Variants in KCNK2 observed in about 807,000 individuals in gnomAD.
KCNK2 encodes potassium channel subfamily K member 2.
Under a neutral mutation model 40.5 loss-of-function variants are expected in KCNK2, and 21 were observed. The ratio of observed to expected loss-of-function variants is 0.52; its 90% CI spans 0.37 to 0.75. The LOEUF (loss-of-function observed/expected upper bound fraction) is 0.75, where lower values mean the gene tolerates loss of function less well. Ranked by LOEUF, KCNK2 falls within the 30% of genes least tolerant of loss-of-function variation. The pLI, the probability that KCNK2 is intolerant of heterozygous loss-of-function variation, is 0.00. For synonymous variants in KCNK2, 191 were observed against 202.2 expected, an observed-to-expected ratio of 0.94 and a Z score of 0.47; for missense variants, 399 against 531.6, an observed-to-expected ratio of 0.75 and a Z score of 2.45.
chr1:215,064,302 C>T (rs991855713), intron 1 of KCNK2, among the ~76,000 whole-genome samples: 5 of 151,560 alleles, frequency 3.3e-5, no homozygotes, highest in Admixed American at 6.6e-5. Flanking sequence ...TATAATGCCT[C>T]GGGGGTGTGT....
intron 5 of KCNK2, among the ~76,000 whole-genome samples, chr1:215,188,290 T>C (rs771316908): frequency 6.6e-6 from 1 of 152,158 alleles, no homozygotes; most frequent in African/African-American, 2.4e-5. Context: ...CCAGGTAAAA[T>C]TTTTCCTCTT....
At chr1:215,059,053 ATG>A (rs1349989370) in intron 1 of KCNK2, among the ~76,000 whole-genome samples, 1 of 141,080 alleles carries the variant, frequency 7.1e-6, no homozygotes, top group Non-Finnish European at 1.6e-5. Context: ...GCACATATAC[ATG>A]TGTATATATA....
chr1:215,127,534 A>T (rs1661488727), intron 3 of KCNK2, among the ~76,000 whole-genome samples: 1 of 152,130 alleles, frequency 6.6e-6, no homozygotes, highest in South Asian at 2.1e-4. Context: ...AATTATATAC[A>T]TACTTTAACC....
chr1:215,036,261 A>G (rs576633945), intron 1 of KCNK2, among the ~76,000 whole-genome samples: 4 of 151,854 alleles, frequency 2.6e-5, no homozygotes, highest in Non-Finnish European at 4.4e-5. Flanking sequence ...CCATATGGAT[A>G]TCCAGTTGTT....
intron 1 of KCNK2, among the ~76,000 whole-genome samples, chr1:215,029,497 T>C (rs1353518582): frequency 6.7e-6 from 1 of 148,260 alleles, no homozygotes; most frequent in Non-Finnish European, 1.5e-5. Context: ...TAAGAATTTA[T>C]ATAAATAACA....
At chr1:215,155,199 T>A (rs930592762) in intron 3 of KCNK2, among the ~76,000 whole-genome samples, 4 of 152,164 alleles carry the variant, frequency 2.6e-5, no homozygotes, top group Non-Finnish European at 5.9e-5. Flanking sequence ...TCAACTCTTT[T>A]AAAATGACTT....
At chr1:215,085,690 C>T (rs1659400696) in intron 1 of KCNK2, among the ~76,000 whole-genome samples, 1 of 152,124 alleles carries the variant, frequency 6.6e-6, no homozygotes, top group Non-Finnish European at 1.5e-5. Flanking sequence ...ATTGGTAAAA[C>T]ATGTCCAAGA....
intron 6 of KCNK2, among the ~76,000 whole-genome samples, chr1:215,226,914 G>A (rs1666407641): frequency 6.6e-6 from 1 of 152,134 alleles, no homozygotes. Flanking sequence ...ACATATTTTG[G>A]ACCTTTACTA....
intron 5 of KCNK2, among the ~76,000 whole-genome samples, chr1:215,182,784 T>C (rs531805158): frequency 1.3e-5 from 2 of 152,318 alleles, no homozygotes; most frequent in Admixed American, 6.5e-5. Context: ...AGATTAAAAA[T>C]AGCCTCCTGC....
intron 2 of KCNK2, among the ~76,000 whole-genome samples, chr1:215,088,822 G>T (rs985205647): frequency 6.6e-6 from 1 of 152,054 alleles, no homozygotes; most frequent in Admixed American, 6.5e-5. Flanking sequence ...GCTCTGCATT[G>T]GCAATCCATT....
At position 215,219,587 on chromosome 1, in the gene KCNK2, C is replaced by T. The variant is rs560459075; in HGVS notation, c.964-15241C>T. Among the ~76,000 whole-genome samples, 3 of 152,286 alleles carry T rather than the reference C, an allele frequency of 2.0e-5. No homozygotes were observed. In the East Asian group the frequency reaches 5.8e-4, roughly 29 times the overall value. On this transcript the variant is annotated intron_variant, in intron 6 of 6. Transcript: ENST00000444842. ...CAGAATTTTGATTCATCCCATGACT[C>T]ATGTTATTAACCAGATGACAGAAGG... is the stretch of plus-strand genomic sequence containing the variant.
intron 3 of KCNK2, among the ~76,000 whole-genome samples, chr1:215,133,534 T>C (rs970995499): frequency 2.0e-5 from 3 of 152,118 alleles, no homozygotes; most frequent in African/African-American, 7.2e-5. Context: ...CTCGGGTGTT[T>C]TGTTTGATAA....
At chr1:215,093,222 G>A (rs1425741649) in intron 2 of KCNK2, among the ~76,000 whole-genome samples, 1 of 151,124 alleles carries the variant, frequency 6.6e-6, no homozygotes, top group Non-Finnish European at 1.5e-5. Flanking sequence ...AGATTTCAAG[G>A]ATATTTACCT....
At chr1:215,057,548 A>G (rs756775970) in intron 1 of KCNK2, among the ~76,000 whole-genome samples, 6 of 152,148 alleles carry the variant, frequency 3.9e-5, no homozygotes, top group Non-Finnish European at 7.4e-5. Flanking sequence ...ACCTGCTTTT[A>G]TGTTGACTCC....
chr1:215,154,555 C>A (rs1662829587), intron 3 of KCNK2, among the ~76,000 whole-genome samples: 1 of 151,860 alleles, frequency 6.6e-6, no homozygotes. Context: ...ATGATAGTTT[C>A]TTTTGTTGTG....
chr1:215,139,402 T>G (rs142326712), intron 3 of KCNK2, among the ~76,000 whole-genome samples: 90 of 152,372 alleles, frequency 5.9e-4, no homozygotes, highest in Middle Eastern at 3.4e-3. Flanking sequence ...TTTTAGCAGC[T>G]ACATAGTTTT....
intron 3 of KCNK2, among the ~76,000 whole-genome samples, chr1:215,165,084 C>A (rs1243546934): frequency 3.9e-5 from 6 of 152,178 alleles, no homozygotes; most frequent in Non-Finnish European, 8.8e-5. Flanking sequence ...AAGTATTACA[C>A]ACTGCAAGTG....
chr1:215,024,945 GTTTT>G (rs376087335), intron 1 of KCNK2, among the ~76,000 whole-genome samples: 1 of 82,534 alleles, frequency 1.2e-5, no homozygotes, highest in Non-Finnish European at 2.7e-5. Flanking sequence ...ATCTACAGGA[GTTTT>G]TTTTTTTTTT....
intron 3 of KCNK2, among the ~76,000 whole-genome samples, chr1:215,155,020 T>C (rs1256961025): frequency 2.0e-5 from 3 of 152,176 alleles, no homozygotes; most frequent in Non-Finnish European, 4.4e-5. Flanking sequence ...ACCTAGTAGT[T>C]ACATTTAAAG....
Sources: allele counts gnomAD v4.1 joint callset (sites outside exome capture counted in the v4.1 genomes callset), GRCh38; gene constraint gnomAD v4.1.1; transcripts MANE v1.5; gene names NCBI Gene and HGNC (gene_info 2026-07-23, HGNC 2026-07-21).